The following PLPP1 variants were observed in gnomAD, a reference collection of about 807,000 sequenced individuals.
PLPP1 encodes phospholipid phosphatase 1, also known as lipid phosphate phosphohydrolase 1a.
Under a neutral mutation model 31.2 loss-of-function variants are expected in PLPP1, and 24 were observed. That is an observed-to-expected ratio of 0.77 (90% CI 0.56 to 1.08). The LOEUF is 1.08. PLPP1 is among the 50% of genes least tolerant of loss of function. The pLI is 0.00. For missense variants in PLPP1, 319 were observed against 342.7 expected, an observed-to-expected ratio of 0.93 and a Z score of 0.55; for synonymous variants, 146 against 126.3, an observed-to-expected ratio of 1.16 and a Z score of -1.05.
chr5:55,432,149 G>A lies in PLPP1; in HGVS notation c.550-6110C>T, dbSNP rs1579917229. ...GGTAGAGACAGGGTCTTGCTATGTT[G>A]CCCAGGCTGGTCTTGAACTCATGGC... On this transcript the variant is annotated intron_variant, in intron 4 of 5. Transcript: ENST00000307259. 2.2e-5 allele frequency among the ~76,000 whole-genome samples: 3 copies of A among 139,390 alleles called. No homozygotes were observed. In the South Asian group the frequency reaches 6.7e-4, roughly 31 times the overall value. 91.4% of individuals were successfully genotyped at this position (139,390 alleles called of 152,430 possible). A position where few individuals can be genotyped will look rare whatever the true frequency, so the allele number is the denominator to read the frequency against.
intron 3 of PLPP1, among the ~76,000 whole-genome samples, chr5:55,456,270 A>G (rs1202470175): frequency 6.6e-6 from 1 of 152,244 alleles, no homozygotes; most frequent in Non-Finnish European, 1.5e-5. Flanking sequence ...TAGCAGTAAT[A>G]GCAGACAGAG....
chr5:55,529,082 A>C (rs190320060), intron 1 of PLPP1, among the ~76,000 whole-genome samples: 1 of 152,238 alleles, frequency 6.6e-6, no homozygotes, highest in African/African-American at 2.4e-5. Flanking sequence ...AAGGTGTAAT[A>C]GCAGCCAACT....
chr5:55,532,509 AAACAAAGTTT>A (rs1740706113), intron 1 of PLPP1, among the ~76,000 whole-genome samples: 1 of 152,248 alleles, frequency 6.6e-6, no homozygotes, highest in Non-Finnish European at 1.5e-5. Context: ...ACTAAAATAT[AAACAAAGTTT>A]AACAAAGTTC....
chr5:55,499,928 A>G lies in PLPP1; in HGVS notation c.59-24478T>C, dbSNP rs538024358. Among the ~76,000 whole-genome samples the G allele has an allele frequency of 2.6e-5, 4 of 152,034 alleles. No individual in the cohort carries two copies. The South Asian group carries it at 6.2e-4, about 24-fold the overall frequency. On this transcript the variant is annotated intron_variant, in intron 1 of 5. Coordinates refer to ENST00000307259, the MANE Select transcript of PLPP1 (RefSeq NM_003711.4). ...TCACATATATATTTATATCTCAGAT[A>G]TAAGAGATATATTTATATTTGACAT...
intron 1 of PLPP1, among the ~76,000 whole-genome samples, chr5:55,494,717 A>G (rs373989508): frequency 3.3e-4 from 51 of 152,288 alleles, no homozygotes; most frequent in Admixed American, 1.1e-3. Flanking sequence ...CACCATGTAC[A>G]TATGTCTATC....
At chr5:55,499,688 A>AT (rs11398788) in intron 1 of PLPP1, among the ~76,000 whole-genome samples, 130,316 of 151,338 alleles carry the variant, frequency 0.86, 56,297 homozygotes, top group South Asian at 0.92. Context: ...ACTCAAAAAA[A>AT]AAATAAATAA....
chr5:55,439,930 G>T (rs1422442829), intron 4 of PLPP1, among the ~76,000 whole-genome samples: 7 of 152,044 alleles, frequency 4.6e-5, no homozygotes, highest in African/African-American at 1.7e-4. Context: ...AAAATAAATG[G>T]ACTAGGGTTC....
chr5:55,455,063 A>G (rs1236460444), intron 3 of PLPP1, among the ~76,000 whole-genome samples: 1 of 152,200 alleles, frequency 6.6e-6, no homozygotes, highest in African/African-American at 2.4e-5. Flanking sequence ...CTCACATTCA[A>G]TCATATATAC....
At chr5:55,461,821 C>A (rs1752172795) in intron 3 of PLPP1, among the ~76,000 whole-genome samples, 1 of 151,918 alleles carries the variant, frequency 6.6e-6, no homozygotes. Flanking sequence ...AAGCAAAAAA[C>A]CTTCAGGAAT....
chr5:55,497,827 G>C (rs889210523), intron 1 of PLPP1, among the ~76,000 whole-genome samples: 5 of 151,720 alleles, frequency 3.3e-5, no homozygotes, highest in African/African-American at 1.2e-4. Context: ...CCCATGATAT[G>C]AGCCATGCCC....
chr5:55,494,397 G>GAACGA (rs1306222581), intron 1 of PLPP1, among the ~76,000 whole-genome samples: 1 of 152,122 alleles, frequency 6.6e-6, no homozygotes. Flanking sequence ...GACATATGAA[G>GAACGA]AACGAAAGTT....
intron 3 of PLPP1, among the ~76,000 whole-genome samples, chr5:55,461,056 C>T (rs1476652800): frequency 2.6e-5 from 4 of 151,876 alleles, no homozygotes; most frequent in South Asian, 2.1e-4. Flanking sequence ...ATTAGCTAGG[C>T]GTGGTGGCGC....
chr5:55,454,337 T>C (rs1751959338), intron 3 of PLPP1, among the ~76,000 whole-genome samples: 1 of 152,204 alleles, frequency 6.6e-6, no homozygotes, highest in South Asian at 2.1e-4. Context: ...CTAATGTCTC[T>C]GCAAACCTCA....
chr5:55,425,090 A>T lies in PLPP1; in HGVS notation c.*116T>A. 1 of 1,333,422 alleles carries T rather than the reference A, an allele frequency of 7.5e-7. No individual in the cohort carries two copies. The highest frequency in any genetic ancestry group is 1.5e-5 in the African/African-American group (1 of 67,988). The allele number at this position is 1,333,422 out of a possible 1,614,324, so 82.6% of individuals were successfully genotyped here. On this transcript the variant is annotated 3_prime_UTR_variant, in exon 6 of 6. Coordinates refer to ENST00000307259, the MANE Select transcript of PLPP1 (RefSeq NM_003711.4). Reference sequence around the variant, plus strand: ...AAAGTGTGCATCCAAGAGGCATAGCAGCAGCAGAAGTCTTTAAAGGCTTGT... The same window carrying T: ...AAAGTGTGCATCCAAGAGGCATAGCTGCAGCAGAAGTCTTTAAAGGCTTGT...
chr5:55,530,686 C>T (rs1740630925), intron 1 of PLPP1: 1 of 1,590,988 alleles, frequency 6.3e-7, no homozygotes, highest in African/African-American at 1.3e-5. Flanking sequence ...AAGGCCCGTT[C>T]AGGGCATGCT....
intron 3 of PLPP1, among the ~76,000 whole-genome samples, chr5:55,458,912 A>C (rs995633712): frequency 3.3e-5 from 5 of 149,542 alleles, no homozygotes; most frequent in South Asian, 2.1e-4. Flanking sequence ...AAAAAAAAAA[A>C]AAAACACATA....
chr5:55,431,785 A>C (rs1751356726), intron 4 of PLPP1, among the ~76,000 whole-genome samples: 2 of 152,248 alleles, frequency 1.3e-5, no homozygotes, highest in South Asian at 2.1e-4. Context: ...ATGAACTCTT[A>C]AAAGTACAAA....
chr5:55,521,795 G>C (rs1193321443), intron 1 of PLPP1, among the ~76,000 whole-genome samples: 1 of 152,128 alleles, frequency 6.6e-6, no homozygotes, highest in African/African-American at 2.4e-5. Flanking sequence ...GGTAGGTAGG[G>C]CATAAAATGA....
intron 3 of PLPP1, among the ~76,000 whole-genome samples, chr5:55,445,797 G>A (rs1044417271): frequency 3.3e-5 from 5 of 151,920 alleles, no homozygotes; most frequent in Admixed American, 6.6e-5. Flanking sequence ...TGCCTGCCTC[G>A]GCCTCCCAAA....
Sources: allele counts gnomAD v4.1 joint callset (sites outside exome capture counted in the v4.1 genomes callset), GRCh38; gene constraint gnomAD v4.1.1; transcripts MANE v1.5; gene names NCBI Gene and HGNC (gene_info 2026-07-23, HGNC 2026-07-21).